The following NRXN3 variants were observed in gnomAD, a reference collection of about 807,000 sequenced individuals.
NRXN3 encodes the protein neurexin III.
A neutral mutation model predicts 137.6 loss-of-function variants in NRXN3; 32 were observed. That is an observed-to-expected ratio of 0.23 (90% CI 0.18 to 0.31). The LOEUF (loss-of-function observed/expected upper bound fraction) is 0.31. NRXN3 is among the 10% of genes least tolerant of loss of function. The probability of loss-of-function intolerance (pLI) is 1.00; values close to 1 mark genes in which losing one functional copy is unlikely to be tolerated. For missense variants in NRXN3, 1,574 were observed against 2,062.5 expected (o/e 0.76, Z 4.59); for synonymous variants, 798 against 784.5 (o/e 1.02, Z -0.29).
intron 19 of NRXN3, among the ~76,000 whole-genome samples, chr14:79,755,248 CTATGTAAATGCCTGTTATACTATGT>C (rs2099015319): frequency 6.6e-6 from 1 of 152,054 alleles, no homozygotes; most frequent in Non-Finnish European, 1.5e-5. Flanking sequence ...AATGTAAATG[CTATGTAAATGCCTGTTATACTATGT>C]TTTAAAATTT....
intron 6 of NRXN3, among the ~76,000 whole-genome samples, chr14:78,677,094 A>G (rs1050271708): frequency 6.6e-6 from 1 of 152,186 alleles, no homozygotes; most frequent in African/African-American, 2.4e-5. Flanking sequence ...TGCTAACACA[A>G]CATCATTCTG....
chr14:78,439,210 G>T (rs770823498), intron 4 of NRXN3, among the ~76,000 whole-genome samples: 1 of 152,008 alleles, frequency 6.6e-6, no homozygotes, highest in Non-Finnish European at 1.5e-5. Flanking sequence ...GAGGAGGGAA[G>T]AATAGTTTGT....
At chr14:79,322,975 T>G (rs1024191166) in intron 15 of NRXN3, among the ~76,000 whole-genome samples, 13 of 152,220 alleles carry the variant, frequency 8.5e-5, no homozygotes, top group African/African-American at 3.1e-4. Context: ...ATGACTGTAG[T>G]GACGGCAGGG....
chr14:79,173,647 A>G (rs2062012926), intron 15 of NRXN3, among the ~76,000 whole-genome samples: 1 of 152,146 alleles, frequency 6.6e-6, no homozygotes, highest in Non-Finnish European at 1.5e-5. Flanking sequence ...AGTAGTTATA[A>G]CCAAAAACCC....
chr14:78,182,531 G>A (rs891905715), intron 1 of NRXN3, among the ~76,000 whole-genome samples: 6 of 152,188 alleles, frequency 3.9e-5, no homozygotes, highest in Non-Finnish European at 5.9e-5. Flanking sequence ...ATGCAATGGC[G>A]CGATCTTGGC....
At chr14:78,222,126 A>C (rs991854319) in intron 1 of NRXN3, among the ~76,000 whole-genome samples, 2 of 152,164 alleles carry the variant, frequency 1.3e-5, no homozygotes, top group Admixed American at 1.3e-4. Flanking sequence ...GCCCCAACAC[A>C]GAGTGTTTGG....
At chr14:78,417,742 G>A (rs1392199886) in intron 4 of NRXN3, among the ~76,000 whole-genome samples, 4 of 152,150 alleles carry the variant, frequency 2.6e-5, no homozygotes, top group African/African-American at 9.7e-5. Context: ...GATCTGAGGA[G>A]CTTCCTGTTT....
chr14:79,567,741 T>A (rs1016471853), intron 16 of NRXN3, among the ~76,000 whole-genome samples: 2 of 152,150 alleles, frequency 1.3e-5, no homozygotes, highest in Non-Finnish European at 2.9e-5. Context: ...AGAAGCCCTG[T>A]AAAAGTTTTA....
chr14:79,713,063 T>TAATA (rs904337264), intron 19 of NRXN3, among the ~76,000 whole-genome samples: 12 of 151,904 alleles, frequency 7.9e-5, no homozygotes, highest in Non-Finnish European at 1.8e-4. Context: ...TTATCTTCAC[T>TAATA]AATAAATTTA....
At chr14:78,848,995 G>C (rs1026377540) in intron 10 of NRXN3, among the ~76,000 whole-genome samples, 2 of 152,100 alleles carry the variant, frequency 1.3e-5, no homozygotes, top group East Asian at 3.9e-4. Flanking sequence ...TTGAGAGTCA[G>C]TGGTAAGTAA....
intron 4 of NRXN3, among the ~76,000 whole-genome samples, chr14:78,385,293 ACAC>A (rs2089785952): frequency 0.017 from 2 of 118 alleles, no homozygotes; most frequent in Non-Finnish European, 0.045. Flanking sequence ...TTTAAGCAAC[ACAC>A]ACACACACAC....
chr14:78,224,943 T>A (rs960451724), intron 1 of NRXN3, among the ~76,000 whole-genome samples: 1 of 128,774 alleles, frequency 7.8e-6, no homozygotes, highest in Non-Finnish European at 1.7e-5. Flanking sequence ...ATTTTTTGTA[T>A]TTTTAGTAGA....
At chr14:79,749,586 T>A (rs2098990779) in intron 19 of NRXN3, among the ~76,000 whole-genome samples, 1 of 151,956 alleles carries the variant, frequency 6.6e-6, no homozygotes, top group Admixed American at 6.6e-5. Context: ...AACATGCTAT[T>A]CCCTTGCCTG....
intron 15 of NRXN3, chr14:79,280,236 A>T: frequency 6.2e-7 from 1 of 1,602,972 alleles, no homozygotes; most frequent in Non-Finnish European, 8.5e-7. Flanking sequence ...GAACTTCATT[A>T]CTCCTCACTG....
intron 4 of NRXN3, among the ~76,000 whole-genome samples, chr14:78,421,370 C>A (rs2093438847): frequency 6.6e-6 from 1 of 151,884 alleles, no homozygotes; most frequent in Non-Finnish European, 1.5e-5. Context: ...AAAATAGCGA[C>A]CAGTTAAAAA....
At chr14:79,596,778 G>C (rs77024469) in intron 16 of NRXN3, among the ~76,000 whole-genome samples, 8,618 of 152,068 alleles carry the variant, frequency 0.057, 252 homozygotes, top group East Asian at 0.082. Flanking sequence ...TTCTGGACTG[G>C]GATGTTATTT....
chr14:79,846,390 A>T (rs1227129288), intron 20 of NRXN3, among the ~76,000 whole-genome samples: 1 of 152,170 alleles, frequency 6.6e-6, no homozygotes, highest in Non-Finnish European at 1.5e-5. Flanking sequence ...AATTACAGTA[A>T]ATAGAAAGGA....
At chr14:78,211,971 G>A (rs951763335) in intron 1 of NRXN3, among the ~76,000 whole-genome samples, 3 of 152,208 alleles carry the variant, frequency 2.0e-5, no homozygotes, top group South Asian at 2.1e-4. Flanking sequence ...TAGGGTCTGG[G>A]GGTGTCCTTT....
intron 15 of NRXN3, among the ~76,000 whole-genome samples, chr14:79,191,476 T>C (rs1389913840): frequency 2.0e-5 from 3 of 152,212 alleles, no homozygotes; most frequent in African/African-American, 7.2e-5. Context: ...TGGGGATCTG[T>C]CTGGCTTCTG....
Sources: gnomAD v4.1 joint callset for allele counts (sites outside exome capture counted in the v4.1 genomes callset) on GRCh38, gnomAD v4.1.1 for gene constraint, MANE v1.5 for transcripts, NCBI Gene and HGNC (gene_info 2026-07-23, HGNC 2026-07-21) for gene names.